The following FGF12 variants were observed in gnomAD, a reference collection of about 807,000 sequenced individuals.
The protein encoded by FGF12 is fibroblast growth factor 12B.
Under a neutral mutation model 23.6 loss-of-function variants are expected in FGF12, and 14 were observed. The observed-to-expected ratio is 0.59, with a 90% CI of 0.39 to 0.93. The LOEUF (loss-of-function observed/expected upper bound fraction) is 0.93. Among genes scored for constraint, FGF12 ranks in the 40% least tolerant of loss-of-function variants. The probability of loss-of-function intolerance (pLI) is 0.00; values close to 1 mark genes in which losing one functional copy is unlikely to be tolerated. For missense variants in FGF12, 175 were observed against 217.8 expected (o/e 0.80, Z 1.24); for synonymous variants, 62 against 77.3 (o/e 0.80, Z 1.04).
chr3:192,303,337 G>A (rs748062021), intron 4 of FGF12, among the ~76,000 whole-genome samples: 4 of 152,134 alleles, frequency 2.6e-5, no homozygotes, highest in African/African-American at 4.8e-5. Flanking sequence ...GTTAGGATAC[G>A]TCCCTTTTCT....
intron 4 of FGF12, among the ~76,000 whole-genome samples, chr3:192,322,808 A>G (rs1234955621): frequency 6.6e-6 from 1 of 152,226 alleles, no homozygotes; most frequent in African/African-American, 2.4e-5. Context: ...CAGAAAAATG[A>G]AACTAGACCT....
chr3:192,437,719 CAA>C (rs371838869), intron 2 of FGF12, among the ~76,000 whole-genome samples: 4 of 125,458 alleles, frequency 3.2e-5, no homozygotes, highest in African/African-American at 1.3e-4. Flanking sequence ...AACAAACAAA[CAA>C]AAAAAAAAAC....
chr3:192,324,746 A>G lies in FGF12; in HGVS notation c.228+10615T>C, dbSNP rs185073105. 2.7e-3 allele frequency among the ~76,000 whole-genome samples: 405 copies of G among 152,306 alleles called. 2 individuals carry two copies. Among genetic ancestry groups the G allele is most frequent in the Middle Eastern group, 0.02 (6 of 294 alleles). Reference sequence around the variant, plus strand: ...AAGAAATACAATCTAGAAACTTTGGAAATATGACTACTTGTTGGCCTAATG... The same window carrying G: ...AAGAAATACAATCTAGAAACTTTGGGAATATGACTACTTGTTGGCCTAATG... On this transcript the variant is annotated intron_variant, in intron 4 of 5. Coordinates refer to ENST00000445105, the MANE Select transcript of FGF12 (RefSeq NM_004113.6).
chr3:192,538,194 C>T (rs1324081171), intron 2 of FGF12, among the ~76,000 whole-genome samples: 19 of 151,930 alleles, frequency 1.3e-4, no homozygotes, highest in Non-Finnish European at 2.2e-4. Context: ...GTGATCCGCC[C>T]GCCTCGGCCT....
intron 2 of FGF12, among the ~76,000 whole-genome samples, chr3:192,680,740 G>A (rs891223806): frequency 6.6e-6 from 1 of 152,082 alleles, no homozygotes; most frequent in African/African-American, 2.4e-5. Context: ...TTTCTCTGAG[G>A]GTCCTCCTAG....
At chr3:192,640,794 TTTTTGTTTG>T (rs1012490018) in intron 2 of FGF12, among the ~76,000 whole-genome samples, 2 of 92,780 alleles carry the variant, frequency 2.2e-5, no homozygotes, top group African/African-American at 7.4e-5. Context: ...AAACCCCTTT[TTTTTGTTTG>T]TTTGTTTGTT....
intron 4 of FGF12, among the ~76,000 whole-genome samples, chr3:192,215,225 A>G (rs1228784512): frequency 6.6e-6 from 1 of 152,014 alleles, no homozygotes; most frequent in Non-Finnish European, 1.5e-5. Flanking sequence ...TGTTGATATC[A>G]TTTTCATTCT....
rs183782251 is a variant in FGF12, at chr3:192,265,937, T to G, written c.228+69424A>C. ...AAAATAAACTGAATCTCTGCAAGCT[T>G]CCGTTTCCTTCTATGCATTGTGGGG... On this transcript the variant is annotated intron_variant, in intron 4 of 5. Coordinates refer to ENST00000445105, the MANE Select transcript of FGF12 (RefSeq NM_004113.6). Among the ~76,000 whole-genome samples the G allele has an allele frequency of 1.0e-3, 155 of 152,244 alleles. 1 individual carries two copies. Among genetic ancestry groups the G allele is most frequent in the African/African-American group, 3.5e-3 (145 of 41,570 alleles).
At chr3:192,203,967 T>A (rs1049083522) in intron 4 of FGF12, among the ~76,000 whole-genome samples, 2 of 152,128 alleles carry the variant, frequency 1.3e-5, no homozygotes, top group African/African-American at 4.8e-5. Flanking sequence ...ATAACTGCAC[T>A]TTTTAGAAAT....
At chr3:192,308,847 G>T (rs1715791815) in intron 4 of FGF12, among the ~76,000 whole-genome samples, 1 of 152,130 alleles carries the variant, frequency 6.6e-6, no homozygotes, top group African/African-American at 2.4e-5. Context: ...TTAGGTGAAT[G>T]TTAAATATTC....
At chr3:192,552,756 T>C (rs1285125135) in intron 2 of FGF12, among the ~76,000 whole-genome samples, 1 of 151,900 alleles carries the variant, frequency 6.6e-6, no homozygotes, top group Non-Finnish European at 1.5e-5. Flanking sequence ...GCAGATATAG[T>C]AGTGTGCACC....
chr3:192,726,834 A>G (rs1260219586), intron 2 of FGF12: 4 of 321,070 alleles, frequency 1.2e-5, no homozygotes, highest in Non-Finnish European at 2.3e-5. Flanking sequence ...AGCAAATGAA[A>G]TAGATTTATT....
intron 5 of FGF12, among the ~76,000 whole-genome samples, chr3:192,167,484 G>C (rs902928794): frequency 7.9e-5 from 12 of 151,952 alleles, no homozygotes; most frequent in Non-Finnish European, 1.2e-4. Context: ...ATGCAGCCAA[G>C]GCCCTACCAA....
At chr3:192,387,091 A>G (rs1457904094) in intron 2 of FGF12, among the ~76,000 whole-genome samples, 1 of 152,210 alleles carries the variant, frequency 6.6e-6, no homozygotes, top group Non-Finnish European at 1.5e-5. Flanking sequence ...GAATATAGAG[A>G]AATAACCATG....
rs1713305465 is a variant in FGF12, at chr3:192,140,419, G to C, written c.*3590C>G. 1 of 151,896 alleles carries C rather than the reference G, an allele frequency of 6.6e-6. No homozygotes were observed. The highest frequency in any genetic ancestry group is 1.5e-5 in the Non-Finnish European group (1 of 67,874). The allele number at this position is 151,896 out of a possible 1,614,324, so 9.4% of individuals were successfully genotyped here. On this transcript the variant is annotated 3_prime_UTR_variant, in exon 6 of 6. Coordinates refer to ENST00000445105, the MANE Select transcript of FGF12 (RefSeq NM_004113.6). ...CAAGAGCAAGGCCTTGTAGACTAAG[G>C]TATGAGGGTGAAATCGATTTGCTAT...
chr3:192,357,211 C>T (rs1208700089), intron 3 of FGF12, among the ~76,000 whole-genome samples: 2 of 152,174 alleles, frequency 1.3e-5, no homozygotes, highest in African/African-American at 2.4e-5. Flanking sequence ...GGGCCAGGCA[C>T]GGTGACTCAC....
chr3:192,517,031 G>C (rs1724689570), intron 2 of FGF12: 1 of 152,198 alleles, frequency 6.6e-6, no homozygotes, highest in Admixed American at 6.5e-5. Context: ...TCCTATTCTG[G>C]AACCCAATAC....
chr3:192,200,706 C>G (rs1034243298), intron 4 of FGF12, among the ~76,000 whole-genome samples: 1 of 152,178 alleles, frequency 6.6e-6, no homozygotes, highest in African/African-American at 2.4e-5. Context: ...TACTTGTCCT[C>G]TCATGGTCAT....
At chr3:192,178,259 T>C (rs1393051745) in intron 4 of FGF12, among the ~76,000 whole-genome samples, 1 of 152,154 alleles carries the variant, frequency 6.6e-6, no homozygotes, top group African/African-American at 2.4e-5. Context: ...AAAGAGCCTA[T>C]ATAAAATGTT....
Sources: allele counts gnomAD v4.1 joint callset (sites outside exome capture counted in the v4.1 genomes callset), GRCh38; gene constraint gnomAD v4.1.1; transcripts MANE v1.5; gene names NCBI Gene and HGNC (gene_info 2026-07-23, HGNC 2026-07-21).